Variants in NDRG2 observed in about 807,000 individuals in gnomAD.
The protein encoded by NDRG2 is NDRG family member 2.
In NDRG2, 34 loss-of-function variants were observed where a neutral mutation model predicts 58.2. The observed-to-expected ratio is 0.58, with a 90% CI of 0.44 to 0.78. NDRG2 has a LOEUF of 0.78. NDRG2 is among the 30% of genes least tolerant of loss of function. The probability of loss-of-function intolerance (pLI) is 0.00; values close to 1 mark genes in which losing one functional copy is unlikely to be tolerated. For missense variants in NDRG2, 434 were observed against 471.2 expected (o/e 0.92, Z 0.73); for synonymous variants, 187 against 175.9 (o/e 1.06, Z -0.50).
chr14:21,030,514 C>G, upstream of NDRG2: 5 of 1,494,874 alleles, frequency 3.3e-6, no homozygotes, highest in Non-Finnish European at 3.7e-6. Flanking sequence ...ACTCCACAGT[C>G]CTCCCTCCCC....
At chr14:21,061,218 A>G (rs902171372) in intron 1 of NDRG2, among the ~76,000 whole-genome samples, 1 of 152,198 alleles carries the variant, frequency 6.6e-6, no homozygotes, top group Non-Finnish European at 1.5e-5. Context: ...CTGGCACAGC[A>G]TTAGGTCTGT....
upstream of NDRG2, chr14:21,025,070 C>G: frequency 1.0e-6 from 1 of 986,260 alleles, no homozygotes; most frequent in East Asian, 1.1e-4. This position sits in a 1 kb window ranked among gnomAD's most constrained non-coding sequence, Gnocchi z 5.1. Context: ...TTGCCTTTGA[C>G]TCGGGCCCGC....
chr14:21,023,207 A>C, intron 2 of NDRG2, 34 bp downstream of exon 2: 5 of 1,589,930 alleles, frequency 3.1e-6, no homozygotes, highest in Non-Finnish European at 4.3e-6. Context: ...GAGGTCTGGA[A>C]TTTGGGCATG....
At chr14:21,021,186 T>C (rs148351672) in intron 6 of NDRG2, 131 of 472,848 alleles carry the variant, frequency 2.8e-4, no homozygotes, top group African/African-American at 2.1e-3. Context: ...TGTTCTGCTT[T>C]AGTTCCTGGT....
At chr14:21,050,196 C>T (rs945089824) in intron 1 of NDRG2, among the ~76,000 whole-genome samples, 17 of 152,190 alleles carry the variant, frequency 1.1e-4, no homozygotes, top group Admixed American at 7.9e-4. Context: ...AATCCTGACA[C>T]GTTGCATTTC....
chr14:21,025,637 C>T (rs1185944837), upstream of NDRG2: 4 of 985,384 alleles, frequency 4.1e-6, no homozygotes, highest in East Asian at 1.1e-4. This position sits in a 1 kb window ranked among gnomAD's most constrained non-coding sequence, Gnocchi z 5.1. Context: ...ACGTCGAGGG[C>T]GCAGGAGTTC....
intron 1 of NDRG2, among the ~76,000 whole-genome samples, chr14:21,046,470 A>G (rs564494600): frequency 2.4e-5 from 1 of 42,142 alleles, no homozygotes; most frequent in Non-Finnish European, 6.3e-5. Context: ...GCAGTGAGCC[A>G]TGATCTGCAC....
intron 1 of NDRG2, among the ~76,000 whole-genome samples, chr14:21,040,240 G>A (rs1032257742): frequency 3.9e-5 from 6 of 152,124 alleles, no homozygotes; most frequent in African/African-American, 7.2e-5. Flanking sequence ...AGAGCCAGAG[G>A]CCTGTGTGAA....
chr14:21,037,936 G>A (rs1390428868), intron 1 of NDRG2, among the ~76,000 whole-genome samples: 2 of 152,130 alleles, frequency 1.3e-5, no homozygotes, highest in African/African-American at 4.8e-5. Context: ...CAGGTGCAAG[G>A]GTGACTCCCT....
At chr14:21,048,059 A>T (rs1250071658) in intron 1 of NDRG2, among the ~76,000 whole-genome samples, 1 of 152,162 alleles carries the variant, frequency 6.6e-6, no homozygotes, top group East Asian at 1.9e-4. Context: ...ACATACCAGT[A>T]GCAACAACAT....
chr14:21,067,461 T>G (rs1028037756), intron 1 of NDRG2, among the ~76,000 whole-genome samples: 1 of 152,206 alleles, frequency 6.6e-6, no homozygotes, highest in African/African-American at 2.4e-5. Flanking sequence ...TATAACTTAC[T>G]GGTTGCGACT....
intron 2 of NDRG2, 159 bp downstream of exon 2, chr14:21,023,082 G>T (rs2138972643): frequency 4.4e-6 from 4 of 914,454 alleles, no homozygotes; most frequent in Non-Finnish European, 7.0e-6. Context: ...CGAGACAAGG[G>T]CCTGACTCCC....
At chr14:21,037,962 C>A (rs1262438906) in intron 1 of NDRG2, among the ~76,000 whole-genome samples, 1 of 152,152 alleles carries the variant, frequency 6.6e-6, no homozygotes, top group Non-Finnish European at 1.5e-5. Context: ...TGAGGAGAAC[C>A]CCAAAATTTT....
Position 21,018,195 on chromosome 14 carries a change from G to A in NDRG2, c.897+9C>T, listed in dbSNP as rs768414944. ...CCTTCCCCATCCCATGGACGGCAGC[G>A]GCACTCACCTGAGTCAGCTGGGGCT... On this transcript the variant is annotated intron_variant, in intron 14 of 15. Coordinates refer to ENST00000556147, the MANE Select transcript of NDRG2 (RefSeq NM_001320329.2). 8.7e-6 allele frequency: 14 copies of A among 1,613,632 alleles called. No individual in the cohort carries two copies. Among genetic ancestry groups the A allele is most frequent in the Middle Eastern group, 3.3e-4 (2 of 6,084 alleles).
chr14:21,023,380 AC>A (rs1477006102), intron 1 of NDRG2, 59 bp from the exon 2 acceptor site: 1 of 1,441,358 alleles, frequency 6.9e-7, no homozygotes, highest in South Asian at 1.2e-5. Flanking sequence ...ATCGCCTCAA[AC>A]ACCAGGCTTC....
intron 1 of NDRG2, among the ~76,000 whole-genome samples, chr14:21,068,764 G>T (rs1209707737): frequency 6.6e-6 from 1 of 152,232 alleles, no homozygotes; most frequent in Non-Finnish European, 1.5e-5. Flanking sequence ...GGTTACCGGG[G>T]CTTGTTGCCA....
intron 1 of NDRG2, among the ~76,000 whole-genome samples, chr14:21,065,517 T>C (rs936681695): frequency 6.6e-6 from 1 of 152,166 alleles, no homozygotes; most frequent in African/African-American, 2.4e-5. Flanking sequence ...GGTAGAAAGG[T>C]GAGTCTATTA....
upstream of NDRG2, chr14:21,025,107 C>G: frequency 2.0e-6 from 2 of 985,066 alleles, no homozygotes; most frequent in Non-Finnish European, 1.2e-6. This position sits in a 1 kb window ranked among gnomAD's most constrained non-coding sequence, Gnocchi z 5.1. Flanking sequence ...CGCAGACCCG[C>G]CCCCGGCCCG....
chr14:21,042,839 G>A, intron 1 of NDRG2: 1 of 644,554 alleles, frequency 1.6e-6, no homozygotes, highest in Non-Finnish European at 2.7e-6. Flanking sequence ...AGAAGAAGAG[G>A]CAGAGATGAG....
Sources: gnomAD v4.1 joint callset for allele counts (sites outside exome capture counted in the v4.1 genomes callset) on GRCh38, gnomAD v4.1.1 for gene constraint, Gnocchi (gnomAD v3.1) non-coding constraint, MANE v1.5 for transcripts, NCBI Gene and HGNC (gene_info 2026-07-23, HGNC 2026-07-21) for gene names.